The following LINGO2 variants were observed in gnomAD, a reference collection of about 807,000 sequenced individuals.
LINGO2 encodes leucine rich repeat and Ig domain containing 2.
Under a neutral mutation model 30.6 loss-of-function variants are expected in LINGO2, and 14 were observed. The ratio of observed to expected loss-of-function variants is 0.46; its 90% CI spans 0.30 to 0.72. The LOEUF (loss-of-function observed/expected upper bound fraction) is 0.72, where lower values mean the gene tolerates loss of function less well. Among genes scored for constraint, LINGO2 ranks in the 30% least tolerant of loss-of-function variants. LINGO2 has a pLI of 0.07. For synonymous variants in LINGO2, 317 were observed against 288.5 expected, an observed-to-expected ratio of 1.10 and a Z score of -1.00; for missense variants, 729 against 751.7, an observed-to-expected ratio of 0.97 and a Z score of 0.35.
the LINGO2 span, among the ~76,000 whole-genome samples, chr9:28,919,919 C>T: frequency 1.3e-5 from 2 of 152,086 alleles, no homozygotes; most frequent in Admixed American, 1.3e-4. Context: ...ATTATGCTTT[C>T]CTCATTTAAT....
intron 2 of LINGO2, among the ~76,000 whole-genome samples, chr9:28,401,052 T>A (rs567716368): frequency 1.1e-4 from 17 of 152,302 alleles, no homozygotes; most frequent in African/African-American, 4.1e-4. Context: ...TTATTAATAA[T>A]CATATGTACA....
chr9:28,951,945 G>T, the LINGO2 span, among the ~76,000 whole-genome samples: 1 of 152,084 alleles, frequency 6.6e-6, no homozygotes, highest in Non-Finnish European at 1.5e-5. Flanking sequence ...ATGAAAAAAT[G>T]CTCAACATCA....
chr9:28,915,093 T>C, the LINGO2 span, among the ~76,000 whole-genome samples: 14 of 152,016 alleles, frequency 9.2e-5, no homozygotes, highest in African/African-American at 3.1e-4. Context: ...GATCATGCCA[T>C]TGCACTCCAG....
chr9:28,894,224 G>GT, the LINGO2 span, among the ~76,000 whole-genome samples: 1 of 152,060 alleles, frequency 6.6e-6, no homozygotes, highest in Non-Finnish European at 1.5e-5. Flanking sequence ...GTGTGCATGT[G>GT]TCTTTATAGC....
chr9:29,066,768 A>G, the LINGO2 span, among the ~76,000 whole-genome samples: 129 of 152,024 alleles, frequency 8.5e-4, no homozygotes, highest in African/African-American at 3.1e-3. Context: ...AAGACCTAAA[A>G]TATAGTATGA....
intron 2 of LINGO2, among the ~76,000 whole-genome samples, chr9:28,376,841 C>T (rs1821150497): frequency 6.6e-6 from 1 of 152,104 alleles, no homozygotes; most frequent in South Asian, 2.1e-4. Context: ...CATATCCTTT[C>T]CATTATATCT....
At chr9:28,909,716 C>T in the LINGO2 span, among the ~76,000 whole-genome samples, 2 of 151,994 alleles carry the variant, frequency 1.3e-5, no homozygotes, top group Non-Finnish European at 1.5e-5. Context: ...TGAGCAACTG[C>T]ATCACCTGAT....
At chr9:28,898,585 C>CT in the LINGO2 span, among the ~76,000 whole-genome samples, 26 of 151,116 alleles carry the variant, frequency 1.7e-4, no homozygotes, top group African/African-American at 2.2e-4. Flanking sequence ...TAATCGACCC[C>CT]TTTTTTTTTA....
chr9:27,984,525 C>A (rs974843128), intron 5 of LINGO2, among the ~76,000 whole-genome samples: 1 of 151,790 alleles, frequency 6.6e-6, no homozygotes, highest in Admixed American at 6.6e-5. Flanking sequence ...ATTCATAAGC[C>A]TGAGCTCTGG....
At chr9:28,706,903 A>C in the LINGO2 span, among the ~76,000 whole-genome samples, 88 of 152,132 alleles carry the variant, frequency 5.8e-4, no homozygotes, top group Middle Eastern at 3.4e-3. Flanking sequence ...CTTTATCTAA[A>C]ACACTTTCTC....
chr9:28,505,772 T>G (rs1191798157), intron 1 of LINGO2, among the ~76,000 whole-genome samples: 1 of 151,914 alleles, frequency 6.6e-6, no homozygotes, highest in Non-Finnish European at 1.5e-5. Context: ...CAGTCTAATT[T>G]TCATATGCTT....
chr9:28,027,049 C>T (rs1383420529), intron 4 of LINGO2, among the ~76,000 whole-genome samples: 2 of 152,202 alleles, frequency 1.3e-5, no homozygotes, highest in Non-Finnish European at 2.9e-5. Flanking sequence ...ATGACATTCT[C>T]ATTCACTTAA....
chr9:28,686,983 G>A, the LINGO2 span, among the ~76,000 whole-genome samples: 4 of 152,194 alleles, frequency 2.6e-5, no homozygotes, highest in South Asian at 6.2e-4. Context: ...TAAAGGGGAT[G>A]AGTGGTTATA....
intron 4 of LINGO2, among the ~76,000 whole-genome samples, chr9:28,071,578 G>T (rs547607406): frequency 1.3e-5 from 2 of 150,766 alleles, no homozygotes; most frequent in Middle Eastern, 3.4e-3. Context: ...ATAATCATAC[G>T]AGATAATTTT....
chr9:29,193,995 G>A, the LINGO2 span, among the ~76,000 whole-genome samples: 1 of 152,130 alleles, frequency 6.6e-6, no homozygotes, highest in South Asian at 2.1e-4. Context: ...TAACAGCAGT[G>A]GTGAATGAAT....
intron 1 of LINGO2, among the ~76,000 whole-genome samples, chr9:28,668,216 T>A (rs542846913): frequency 6.6e-6 from 1 of 152,136 alleles, no homozygotes; most frequent in East Asian, 1.9e-4. Context: ...GGAGTGGTAG[T>A]AGGGGAAGGT....
intron 5 of LINGO2, among the ~76,000 whole-genome samples, chr9:27,967,032 CT>C: frequency 6.6e-6 from 1 of 152,140 alleles, no homozygotes. Context: ...AAGATAATCT[CT>C]CTGGAGATTA....
At chr9:28,332,585 GA>G (rs5897281) in intron 3 of LINGO2, among the ~76,000 whole-genome samples, 26,022 of 140,434 alleles carry the variant, frequency 0.19, 2,937 homozygotes, top group Non-Finnish European at 0.26. Flanking sequence ...ATTAAGTACA[GA>G]AAAAAAAAAA....
chr9:28,637,484 T>G (rs1827339156), intron 1 of LINGO2, among the ~76,000 whole-genome samples: 1 of 152,196 alleles, frequency 6.6e-6, no homozygotes. Context: ...CTTTGTATCC[T>G]CTTTTATTTC....
Sources: gnomAD v4.1 joint callset for allele counts (sites outside exome capture counted in the v4.1 genomes callset) on GRCh38, gnomAD v4.1.1 for gene constraint, MANE v1.5 for transcripts, NCBI Gene and HGNC (gene_info 2026-07-23, HGNC 2026-07-21) for gene names.